The following GRIK2 variants were observed in gnomAD, a reference collection of about 807,000 sequenced individuals.
GRIK2 encodes the protein glutamate ionotropic receptor kainate type subunit 2, also known as glutamate receptor ionotropic, kainate 2.
GRIK2 carries 32 observed loss-of-function variants against 100.3 expected under a neutral mutation model. That is an observed-to-expected ratio of 0.32 (90% CI 0.24 to 0.43). GRIK2 has a LOEUF of 0.43. Ranked by LOEUF, GRIK2 falls within the 20% of genes least tolerant of loss-of-function variation. The pLI is 1.00. For synonymous variants in GRIK2, 417 were observed against 389.4 expected, an observed-to-expected ratio of 1.07 and a Z score of -0.83; for missense variants, 843 against 1,114.9, an observed-to-expected ratio of 0.76 and a Z score of 3.47.
chr6:101,717,052 G>A (rs1030816503), intron 7 of GRIK2, among the ~76,000 whole-genome samples: 1 of 151,804 alleles, frequency 6.6e-6, no homozygotes, highest in Non-Finnish European at 1.5e-5. Flanking sequence ...TTTCCCCTTA[G>A]CAAATTAGCA....
intron 7 of GRIK2, among the ~76,000 whole-genome samples, chr6:101,694,552 C>G (rs1772343177): frequency 6.6e-6 from 1 of 151,876 alleles, no homozygotes; most frequent in Admixed American, 6.6e-5. Context: ...GGAATTGAGG[C>G]CTACAAATAA....
intron 2 of GRIK2, among the ~76,000 whole-genome samples, chr6:101,459,492 C>G (rs1263915640): frequency 1.3e-5 from 2 of 152,140 alleles, no homozygotes; most frequent in Non-Finnish European, 1.5e-5. Flanking sequence ...TAGTCATAGA[C>G]AGAAGCTACG....
At chr6:101,435,009 T>G (rs1769634158) in intron 2 of GRIK2, among the ~76,000 whole-genome samples, 1 of 152,298 alleles carries the variant, frequency 6.6e-6, no homozygotes, top group East Asian at 1.9e-4. Flanking sequence ...GAGCCTGCAC[T>G]TTCAAAGAAA....
intron 2 of GRIK2, among the ~76,000 whole-genome samples, chr6:101,514,185 T>C (rs908444981): frequency 4.6e-5 from 7 of 152,128 alleles, no homozygotes; most frequent in African/African-American, 1.7e-4. Context: ...ACTGAATATC[T>C]GTATTTTTTA....
At chr6:101,735,201 C>A (rs1317399744) in intron 7 of GRIK2, among the ~76,000 whole-genome samples, 1 of 152,026 alleles carries the variant, frequency 6.6e-6, no homozygotes, top group African/African-American at 2.4e-5. Flanking sequence ...GCCAAGATTT[C>A]CTAGGTAGAG....
At chr6:101,618,421 T>C (rs1227633739) in intron 2 of GRIK2, among the ~76,000 whole-genome samples, 1 of 151,802 alleles carries the variant, frequency 6.6e-6, no homozygotes, top group Non-Finnish European at 1.5e-5. Context: ...TGTTCAGTTA[T>C]TTCTGAACAT....
intron 14 of GRIK2, among the ~76,000 whole-genome samples, chr6:101,960,599 T>C (rs1406317708): frequency 2.6e-5 from 4 of 152,054 alleles, no homozygotes; most frequent in Non-Finnish European, 5.9e-5. Context: ...TCTGTATGAG[T>C]TCCTTGGTTG....
At chr6:101,587,571 A>G (rs1166230139) in intron 2 of GRIK2, among the ~76,000 whole-genome samples, 1 of 152,154 alleles carries the variant, frequency 6.6e-6, no homozygotes, top group Non-Finnish European at 1.5e-5. Context: ...AAATATATGA[A>G]TTTTCAGATT....
chr6:102,015,591 G>T (rs1795794231), intron 14 of GRIK2, among the ~76,000 whole-genome samples: 1 of 152,056 alleles, frequency 6.6e-6, no homozygotes. Context: ...GCCAACACCT[G>T]TACAGAGGCC....
chr6:102,017,682 T>G (rs576441433), intron 14 of GRIK2, among the ~76,000 whole-genome samples: 60 of 152,252 alleles, frequency 3.9e-4, no homozygotes, highest in Non-Finnish European at 7.2e-4. Flanking sequence ...ATTTTATAGT[T>G]TTCCCACAGT....
At chr6:101,447,736 AT>A (rs968345831) in intron 2 of GRIK2, among the ~76,000 whole-genome samples, 7 of 151,582 alleles carry the variant, frequency 4.6e-5, no homozygotes, top group African/African-American at 1.7e-4. Flanking sequence ...AAAGTCCATT[AT>A]TTTTTGGGGC....
chr6:101,461,231 A>G (rs1771292009), intron 2 of GRIK2, among the ~76,000 whole-genome samples: 2 of 152,232 alleles, frequency 1.3e-5, no homozygotes, highest in South Asian at 4.1e-4. Context: ...ACACAAATTT[A>G]TCTTGCTGTT....
intron 7 of GRIK2, among the ~76,000 whole-genome samples, chr6:101,732,815 C>A (rs768628606): frequency 4.2e-4 from 64 of 151,996 alleles, no homozygotes; most frequent in Non-Finnish European, 7.6e-4. Context: ...TATGCAGACT[C>A]ATCCTCCCTA....
At chr6:101,635,160 T>C (rs1780943710) in intron 4 of GRIK2, among the ~76,000 whole-genome samples, 1 of 152,138 alleles carries the variant, frequency 6.6e-6, no homozygotes, top group Non-Finnish European at 1.5e-5. Context: ...ACATTTTAAA[T>C]ACAAGCTTCA....
chr6:101,756,123 C>T (rs1042513247), intron 7 of GRIK2, among the ~76,000 whole-genome samples: 1 of 152,110 alleles, frequency 6.6e-6, no homozygotes, highest in Admixed American at 6.6e-5. Context: ...CTTGTTAGTG[C>T]TGCTGCTGCA....
At chr6:101,800,899 G>T (rs539869196) in intron 8 of GRIK2, among the ~76,000 whole-genome samples, 4 of 152,038 alleles carry the variant, frequency 2.6e-5, no homozygotes, top group African/African-American at 7.2e-5. Flanking sequence ...ATTCCCCATT[G>T]TATTTATTGT....
intron 2 of GRIK2, among the ~76,000 whole-genome samples, chr6:101,611,132 A>G (rs1779659349): frequency 6.6e-6 from 1 of 151,820 alleles, no homozygotes; most frequent in African/African-American, 2.4e-5. Flanking sequence ...TCCACTACTG[A>G]AAAATAATGT....
Position 101,683,201 on chromosome 6 carries a change from GAAAA to G in GRIK2, c.777+605_777+608del, listed in dbSNP as rs201133138. Reference sequence around the variant, plus strand: ...GGGCGACAGAGCTAGACTCCATCTAGAAAAAAAAAAAAAGAAAAGAATAAGACAA... The same window carrying G: ...GGGCGACAGAGCTAGACTCCATCTAGAAAAAAAAAGAAAAGAATAAGACAA... On this transcript the variant is annotated intron_variant, in intron 6 of 16. Coordinates refer to ENST00000369134, the MANE Select transcript of GRIK2 (RefSeq NM_021956.5). Among the ~76,000 whole-genome samples, 262 of 143,744 alleles carry G rather than the reference GAAAA, an allele frequency of 1.8e-3. 3 individuals are homozygous for G. Among genetic ancestry groups the G allele is most frequent in the Non-Finnish European group, 2.6e-3 (174 of 66,470 alleles). 94.3% of individuals were successfully genotyped at this position (143,744 alleles called of 152,430 possible).
chr6:101,729,635 C>A (rs989926324), intron 7 of GRIK2, among the ~76,000 whole-genome samples: 1 of 151,570 alleles, frequency 6.6e-6, no homozygotes, highest in African/African-American at 2.4e-5. Context: ...TCCAAAGAAG[C>A]GTCATATCCT....
Sources: allele counts gnomAD v4.1 joint callset (sites outside exome capture counted in the v4.1 genomes callset), GRCh38; gene constraint gnomAD v4.1.1; transcripts MANE v1.5; gene names NCBI Gene and HGNC (gene_info 2026-07-23, HGNC 2026-07-21).